The following TRIB3 variants were observed in gnomAD, a reference collection of about 807,000 sequenced individuals.
The protein encoded by TRIB3 is tribbles homolog 3.
In TRIB3, 20 loss-of-function variants were observed where a neutral mutation model predicts 16.6. The ratio of observed to expected loss-of-function variants is 1.20; its 90% CI spans 0.85 to 1.75. TRIB3 has a LOEUF of 1.75. Among genes scored for constraint, TRIB3 ranks in the 40% most tolerant of loss-of-function variants. The pLI, the probability that TRIB3 is intolerant of heterozygous loss-of-function variation, is 0.00. For synonymous variants in TRIB3, 208 were observed against 217.0 expected, an observed-to-expected ratio of 0.96 and a Z score of 0.36; for missense variants, 484 against 488.9, an observed-to-expected ratio of 0.99 and a Z score of 0.10.
At position 388,038 on chromosome 20, in the gene TRIB3, G is replaced by A. The variant is rs2014866538; in HGVS notation, c.28G>A (p.Ala10Thr). Residue 10 changes from alanine (A) to threonine (T), a missense_variant, in exon 2 of 4, where the codon GCG becomes ACG. Coordinates refer to ENST00000217233, the MANE Select transcript of TRIB3 (RefSeq NM_021158.5). MRATPLAAP[A>T]GSLSRKKRLE... ...GCGAGCCACCCCTCTGGCTGCTCCT[G>A]CGGGTTCCCTGTCCAGGAAGAAGCG... is the stretch of plus-strand genomic sequence containing the variant. 3 of 1,613,976 alleles carry A rather than the reference G, an allele frequency of 1.9e-6. No homozygotes were observed. Among genetic ancestry groups the A allele is most frequent in the Non-Finnish European group, 2.5e-6 (3 of 1,179,882 alleles).
intron 1 of TRIB3, among the ~76,000 whole-genome samples, chr20:386,378 G>A (rs1054592091): frequency 2.6e-5 from 4 of 151,982 alleles, no homozygotes; most frequent in African/African-American, 7.3e-5. Context: ...TTTTAAGCAG[G>A]TATTTATTTC....
chr20:382,122 TGTGTGC>T (rs779200555), intron 1 of TRIB3, among the ~76,000 whole-genome samples: 15,423 of 138,260 alleles, frequency 0.11, 955 homozygotes, highest in Non-Finnish European at 0.15. Context: ...TGTGTGTGTG[TGTGTGC>T]GTGCGCGCGC....
At chr20:389,353 G>A (rs2014909809) in intron 2 of TRIB3, among the ~76,000 whole-genome samples, 3 of 152,278 alleles carry the variant, frequency 2.0e-5, no homozygotes, top group South Asian at 4.1e-4. Flanking sequence ...CACAATCAGG[G>A]CAGGCTGCCC....
chr20:394,956 A>G (rs547586936), intron 3 of TRIB3, among the ~76,000 whole-genome samples: 6 of 152,156 alleles, frequency 3.9e-5, no homozygotes, highest in Non-Finnish European at 7.4e-5. Flanking sequence ...CATCTGTAAA[A>G]TGGGCTAATA....
At chr20:391,005 A>AGG (rs1568535451) in intron 2 of TRIB3, among the ~76,000 whole-genome samples, 5 of 148,876 alleles carry the variant, frequency 3.4e-5, no homozygotes, top group African/African-American at 9.9e-5. Context: ...CCGTCTCAAA[A>AGG]AAAAAAAAAA....
intron 1 of TRIB3, among the ~76,000 whole-genome samples, chr20:384,230 C>T (rs1427089851): frequency 6.6e-6 from 1 of 152,168 alleles, no homozygotes; most frequent in Non-Finnish European, 1.5e-5. Flanking sequence ...CATGATGTTC[C>T]CCTGCTGAAA....
chr20:384,031 A>AT (rs140741442), intron 1 of TRIB3, among the ~76,000 whole-genome samples: 13,349 of 151,872 alleles, frequency 0.088, 1,071 homozygotes, highest in Admixed American at 0.23. Context: ...CACCCCTCAC[A>AT]TCCAATCCAT....
Position 388,167 on chromosome 20 carries a change from C to G in TRIB3, c.157C>G (p.Pro53Ala). The G allele has an allele frequency of 6.2e-7, 1 of 1,614,092 alleles. No homozygotes were observed. Among genetic ancestry groups the G allele is most frequent in the South Asian group, 1.1e-5 (1 of 91,090 alleles). Reference sequence around the variant, plus strand: ...CCCCTGCCTGTTGCCCCTGAGCCCACCTACTGCTCCAGATCGTGCAACTGC... The same window carrying G: ...CCCCTGCCTGTTGCCCCTGAGCCCAGCTACTGCTCCAGATCGTGCAACTGC... Reference protein sequence around the residue: ...LPPCLLPLSPPTAPDRATAVA... With the variant: ...LPPCLLPLSPATAPDRATAVA... The change falls in exon 2 of 4, where the codon CCT becomes GCT. Residue 53 changes from proline (P) to alanine (A), a missense_variant. Transcript: ENST00000217233.
chr20:390,772 C>T (rs2014949411), intron 2 of TRIB3, among the ~76,000 whole-genome samples: 1 of 151,990 alleles, frequency 6.6e-6, no homozygotes, highest in Admixed American at 6.6e-5. Flanking sequence ...AAGGCTGAGG[C>T]GGGAGGATCA....
chr20:390,674 C>T (rs182518136), intron 2 of TRIB3, among the ~76,000 whole-genome samples: 1 of 152,014 alleles, frequency 6.6e-6, no homozygotes, highest in African/African-American at 2.4e-5. Context: ...TTCAGTTATC[C>T]GATGTTTGAG....
chr20:381,738 G>A (rs997188756), intron 1 of TRIB3, among the ~76,000 whole-genome samples: 19 of 128,226 alleles, frequency 1.5e-4, no homozygotes, highest in Non-Finnish European at 2.6e-4. Flanking sequence ...GGGCTGGGGT[G>A]CCCTGGAGCG....
At chr20:393,414 C>G (rs2015033172) in intron 3 of TRIB3, among the ~76,000 whole-genome samples, 1 of 152,100 alleles carries the variant, frequency 6.6e-6, no homozygotes, top group African/African-American at 2.4e-5. Context: ...TCACTGCAGC[C>G]TCAACCTCCC....
chr20:382,654 T>C, intron 1 of TRIB3: 1 of 1,314,260 alleles, frequency 7.6e-7, no homozygotes, highest in Non-Finnish European at 1.1e-6. Context: ...GCTTCATTTG[T>C]GTTTTCATTT....
intron 1 of TRIB3, among the ~76,000 whole-genome samples, chr20:387,381 A>G (rs530788474): frequency 8.5e-5 from 13 of 152,140 alleles, no homozygotes; most frequent in Non-Finnish European, 1.5e-4. Context: ...GAGATGATAG[A>G]TATTCAAACA....
At chr20:390,570 A>G (rs941046975) in intron 2 of TRIB3, among the ~76,000 whole-genome samples, 4 of 152,180 alleles carry the variant, frequency 2.6e-5, no homozygotes, top group Non-Finnish European at 4.4e-5. Flanking sequence ...GGGAGCTGTG[A>G]CGGTGATGAG....
In TRIB3 at chr20:396,832, G is replaced by C; in HGVS notation, c.*142G>C. On this transcript the variant is annotated 3_prime_UTR_variant, in exon 4 of 4. Coordinates refer to ENST00000217233, the MANE Select transcript of TRIB3 (RefSeq NM_021158.5). ...CAGAAGCCTGTGTGGAGTGTGCTGT[G>C]TACACATCTGCTTTGTTCCACACAC... 7.8e-7 allele frequency: 1 copy of C among 1,279,410 alleles called. No individual in the cohort carries two copies. The highest frequency in any genetic ancestry group is 1.5e-5 in the South Asian group (1 of 67,214). 79.3% of individuals were successfully genotyped at this position (1,279,410 alleles called of 1,614,324 possible).
chr20:388,346 G>C (rs562820050), intron 2 of TRIB3, 45 bp downstream of exon 2: 1 of 1,551,090 alleles, frequency 6.4e-7, no homozygotes, highest in African/African-American at 1.4e-5. Flanking sequence ...CAGGAGGCCT[G>C]GGAAGGAGGC....
At position 396,342 on chromosome 20, in the gene TRIB3, T is replaced by G; in HGVS notation, c.729T>G (p.Asp243Glu). ...SRASYSGKAA[D>E]VWSLGVALFT... Reference sequence around the variant, plus strand: ...CCTCATACTCGGGCAAGGCAGCCGATGTCTGGAGCCTGGGCGTGGCGCTCT... The same window carrying G: ...CCTCATACTCGGGCAAGGCAGCCGAGGTCTGGAGCCTGGGCGTGGCGCTCT... Residue 243 changes from aspartate (D) to glutamate (E), a missense_variant, in exon 4 of 4, where the codon GAT becomes GAG. By Grantham distance (45) the Asp-to-Glu change is conservative (BLOSUM62 2). Transcript: ENST00000217233. 2 of 1,613,802 alleles carry G rather than the reference T, an allele frequency of 1.2e-6. No homozygotes were observed. The highest frequency in any genetic ancestry group is 1.7e-6 in the Non-Finnish European group (2 of 1,180,028).
At chr20:382,908 C>T (rs891952297) in intron 1 of TRIB3, among the ~76,000 whole-genome samples, 9 of 152,220 alleles carry the variant, frequency 5.9e-5, no homozygotes, top group Admixed American at 2.6e-4. Flanking sequence ...TTGGGAGCAG[C>T]GTACTTGGAG....
Sources: gnomAD v4.1 joint callset for allele counts (sites outside exome capture counted in the v4.1 genomes callset) on GRCh38, gnomAD v4.1.1 for gene constraint, MANE v1.5 for transcripts, NCBI Gene and HGNC (gene_info 2026-07-23, HGNC 2026-07-21) for gene names.